Variants in PALM2AKAP2 observed in about 807,000 individuals in gnomAD.
PALM2AKAP2 encodes the protein PALM2-AKAP2 fusion protein.
PALM2AKAP2 carries 37 observed loss-of-function variants against 71.5 expected under a neutral mutation model. The ratio of observed to expected loss-of-function variants is 0.52; its 90% CI spans 0.40 to 0.68. The LOEUF (loss-of-function observed/expected upper bound fraction) is 0.68, where lower values mean the gene tolerates loss of function less well. Ranked by LOEUF, PALM2AKAP2 falls within the 30% of genes least tolerant of loss-of-function variation. The probability of loss-of-function intolerance (pLI) is 0.00; values close to 1 mark genes in which losing one functional copy is unlikely to be tolerated. For missense variants in PALM2AKAP2, 1,224 were observed against 1,191.8 expected (o/e 1.03, Z -0.40); for synonymous variants, 468 against 478.8 (o/e 0.98, Z 0.29).
intron 1 of PALM2AKAP2, among the ~76,000 whole-genome samples, chr9:109,710,760 C>G (rs1021704971): frequency 1.3e-5 from 2 of 152,188 alleles, no homozygotes; most frequent in African/African-American, 4.8e-5. Context: ...AATAAGGATA[C>G]TTGAACTCTG....
intron 1 of PALM2AKAP2, among the ~76,000 whole-genome samples, chr9:109,667,374 A>AT (rs1409073966): frequency 6.6e-6 from 1 of 152,048 alleles, no homozygotes; most frequent in African/African-American, 2.4e-5. Context: ...TTACTTTTGG[A>AT]TTTTTTTCTA....
chr9:109,969,910 A>C (rs1402891132), intron 6 of PALM2AKAP2, among the ~76,000 whole-genome samples: 2 of 152,090 alleles, frequency 1.3e-5, no homozygotes, highest in South Asian at 2.1e-4. Context: ...TGGCTTTTGC[A>C]AAAGACCTGA....
chr9:109,736,130 A>G (rs1828631047), intron 1 of PALM2AKAP2, among the ~76,000 whole-genome samples: 1 of 152,208 alleles, frequency 6.6e-6, no homozygotes, highest in Non-Finnish European at 1.5e-5. Context: ...TCACAGGCAC[A>G]ACGACGGTTA....
At chr9:109,888,975 A>G (rs1830027567) in intron 3 of PALM2AKAP2, among the ~76,000 whole-genome samples, 2 of 152,112 alleles carry the variant, frequency 1.3e-5, no homozygotes, top group Non-Finnish European at 2.9e-5. Flanking sequence ...GGGGGACAAA[A>G]TCTCTCCAAG....
At chr9:109,696,805 A>G (rs1405038009) in intron 1 of PALM2AKAP2, among the ~76,000 whole-genome samples, 1 of 152,162 alleles carries the variant, frequency 6.6e-6, no homozygotes, top group African/African-American at 2.4e-5. Flanking sequence ...CTGACCAGGA[A>G]CTTCCTCACC....
At chr9:109,929,244 A>C (rs1438987444) in intron 5 of PALM2AKAP2, among the ~76,000 whole-genome samples, 1 of 150,620 alleles carries the variant, frequency 6.6e-6, no homozygotes, top group Non-Finnish European at 1.5e-5. Context: ...AGTCCATGAG[A>C]TCTCACATGG....
intron 1 of PALM2AKAP2, among the ~76,000 whole-genome samples, chr9:109,698,227 A>G (rs571960850): frequency 3.3e-5 from 5 of 151,554 alleles, no homozygotes; most frequent in Admixed American, 2.6e-4. Flanking sequence ...ACCAGGGTAT[A>G]TAACAGCCCC....
At chr9:109,866,160 C>T (rs938204017) in intron 1 of PALM2AKAP2, among the ~76,000 whole-genome samples, 2 of 152,284 alleles carry the variant, frequency 1.3e-5, no homozygotes, top group Admixed American at 1.3e-4. Flanking sequence ...GGTTGTAATA[C>T]ACATTATTAT....
At chr9:109,901,079 C>T (rs569128682) in intron 3 of PALM2AKAP2, among the ~76,000 whole-genome samples, 2 of 152,286 alleles carry the variant, frequency 1.3e-5, no homozygotes, top group Admixed American at 1.3e-4. Flanking sequence ...TAGGTGGAAC[C>T]AGACTGGAAA....
intron 1 of PALM2AKAP2, among the ~76,000 whole-genome samples, chr9:109,741,508 T>C (rs760121225): frequency 5.9e-5 from 9 of 152,248 alleles, no homozygotes; most frequent in Non-Finnish European, 1.0e-4. Flanking sequence ...GGGCGACAGA[T>C]GTTTTAACTT....
intron 7 of PALM2AKAP2, among the ~76,000 whole-genome samples, chr9:110,023,370 A>G (rs1833111795): frequency 7.7e-6 from 1 of 129,602 alleles, no homozygotes; most frequent in Admixed American, 9.5e-5. Context: ...GCTGGAGTGC[A>G]ATGACGCCAT....
At chr9:109,851,589 T>C (rs901293813) in intron 1 of PALM2AKAP2, among the ~76,000 whole-genome samples, 2 of 152,132 alleles carry the variant, frequency 1.3e-5, no homozygotes, top group African/African-American at 2.4e-5. Flanking sequence ...CAAAGTACCA[T>C]GGAAGGACTG....
At chr9:109,929,431 T>A (rs1482319657) in intron 5 of PALM2AKAP2, among the ~76,000 whole-genome samples, 1 of 152,112 alleles carries the variant, frequency 6.6e-6, no homozygotes, top group African/African-American at 2.4e-5. Context: ...CCACGGACAA[T>A]TGTCACCCAC....
At chr9:110,157,694 C>T (rs779722328) in intron 3 of PALM2AKAP2, among the ~76,000 whole-genome samples, 4 of 152,152 alleles carry the variant, frequency 2.6e-5, no homozygotes, top group Non-Finnish European at 5.9e-5. Flanking sequence ...GCCACTGCAC[C>T]CAGCCTGCCT....
intron 1 of PALM2AKAP2, among the ~76,000 whole-genome samples, chr9:110,089,786 C>G (rs1415064128): frequency 6.6e-6 from 1 of 152,188 alleles, no homozygotes; most frequent in Non-Finnish European, 1.5e-5. Flanking sequence ...TGTTACTTCT[C>G]TTTACTGTAA....
At chr9:109,904,280 C>T (rs1051995569) in intron 3 of PALM2AKAP2, among the ~76,000 whole-genome samples, 1 of 152,128 alleles carries the variant, frequency 6.6e-6, no homozygotes, top group African/African-American at 2.4e-5. Context: ...TGTTTAGATT[C>T]CCTTTTGCCT....
chr9:109,911,970 G>A (rs961616842), intron 3 of PALM2AKAP2, among the ~76,000 whole-genome samples: 3 of 152,186 alleles, frequency 2.0e-5, no homozygotes, highest in Non-Finnish European at 4.4e-5. Flanking sequence ...AGGCTGGGTT[G>A]GGGGGCTGGG....
Position 109,843,023 on chromosome 9 carries a change from C to G in PALM2AKAP2, c.46-24468C>G, listed in dbSNP as rs1384329861. On this transcript the variant is annotated intron_variant, in intron 1 of 9. Coordinates refer to the PALM2AKAP2 transcript ENST00000302798. ...GGCGTGGTGGCGCATGCTTGTAATC[C>G]CAGCTACTCAGGAGGCTGAGGCAGG... 1.7e-3 allele frequency among the ~76,000 whole-genome samples: 259 copies of G among 151,290 alleles called. 4 individuals are homozygous for G. The highest frequency in any genetic ancestry group is 1.9e-4 in the Non-Finnish European group (13 of 67,898).
chr9:109,867,682 C>G lies in PALM2AKAP2; in HGVS notation c.126+111C>G, dbSNP rs940747569. 1.0e-5 allele frequency: 13 copies of G among 1,243,952 alleles called. No individual in the cohort carries two copies. In the Admixed American group the frequency reaches 3.5e-4, roughly 34 times the overall value. The allele number at this position is 1,243,952 out of a possible 1,614,324, so 77.1% of individuals were successfully genotyped here. On this transcript the variant is annotated intron_variant, in intron 2 of 9. Transcript: ENST00000302798. ...AAGGCGCTGCCGCCAACCAAACCAG[C>G]CTTTTTCATTCAATCAGGAAACCAT... is the stretch of plus-strand genomic sequence containing the variant.
Sources: allele counts gnomAD v4.1 joint callset (sites outside exome capture counted in the v4.1 genomes callset), GRCh38; gene constraint gnomAD v4.1.1; transcripts MANE v1.5; gene names NCBI Gene and HGNC (gene_info 2026-07-23, HGNC 2026-07-21).